PDLIM5: variants seen among roughly 807,000 people sequenced by gnomAD.
The protein encoded by PDLIM5 is PDZ and LIM domain 5.
PDLIM5 carries 34 observed loss-of-function variants against 64.2 expected under a neutral mutation model. That is an observed-to-expected ratio of 0.53 (90% CI 0.40 to 0.71). The LOEUF (loss-of-function observed/expected upper bound fraction) is 0.71. Among genes scored for constraint, PDLIM5 ranks in the 30% least tolerant of loss-of-function variants. The pLI is 0.00. For missense variants in PDLIM5, 683 were observed against 733.6 expected (o/e 0.93, Z 0.80); for synonymous variants, 253 against 269.1 (o/e 0.94, Z 0.59).
At chr4:94,547,280 C>T (rs540777737) in intron 3 of PDLIM5, among the ~76,000 whole-genome samples, 16 of 152,196 alleles carry the variant, frequency 1.1e-4, no homozygotes, top group Non-Finnish European at 1.9e-4. Context: ...CTAAAATTAA[C>T]GGGTCGACCT....
At chr4:94,604,239 A>G (rs1346402648) in intron 7 of PDLIM5, among the ~76,000 whole-genome samples, 5 of 152,238 alleles carry the variant, frequency 3.3e-5, no homozygotes, top group Admixed American at 2.6e-4. Context: ...GACACTAAGT[A>G]AAATGAGGAA....
chr4:94,484,820 A>G (rs1316968848), intron 2 of PDLIM5, among the ~76,000 whole-genome samples: 4 of 152,214 alleles, frequency 2.6e-5, no homozygotes, highest in Non-Finnish European at 5.9e-5. Flanking sequence ...AAATGCTATC[A>G]TAGAGAATAA....
intron 3 of PDLIM5, among the ~76,000 whole-genome samples, chr4:94,572,552 T>A (rs1560711904): frequency 1.3e-5 from 2 of 152,190 alleles, no homozygotes; most frequent in Non-Finnish European, 2.9e-5. Flanking sequence ...CCATGCTAAC[T>A]AAAGGCACAA....
At chr4:94,472,663 A>G (rs1200362982) in intron 2 of PDLIM5, among the ~76,000 whole-genome samples, 1 of 152,172 alleles carries the variant, frequency 6.6e-6, no homozygotes, top group Non-Finnish European at 1.5e-5. Context: ...GGTGGTGGCC[A>G]GCTAGACTAG....
intron 7 of PDLIM5, among the ~76,000 whole-genome samples, chr4:94,596,220 T>C (rs892690971): frequency 6.6e-6 from 1 of 152,150 alleles, no homozygotes. Flanking sequence ...ATGCTGGAAA[T>C]GCCTGTTGTT....
At chr4:94,622,633 CCTCCTTCCCTCCCTCT>C (rs1361297951) in intron 8 of PDLIM5, among the ~76,000 whole-genome samples, 7 of 151,150 alleles carry the variant, frequency 4.6e-5, no homozygotes, top group African/African-American at 1.7e-4. Context: ...TCTCTCCCTC[CCTCCTTCCCTCCCTCT>C]CTCCCTCCCT....
chr4:94,617,991 A>G lies in PDLIM5; in HGVS notation c.921-13A>G. 1.4e-6 allele frequency: 2 copies of G among 1,469,384 alleles called. No homozygotes were observed. The highest frequency in any genetic ancestry group is 1.4e-5 in the African/African-American group (1 of 69,746). The allele number at this position is 1,469,384 out of a possible 1,614,324, so 91.0% of individuals were successfully genotyped here. On this transcript the variant is annotated splice_polypyrimidine_tract_variant and intron_variant, in intron 7 of 12. Coordinates refer to ENST00000317968, the MANE Select transcript of PDLIM5 (RefSeq NM_006457.5). The stretch of plus-strand genomic sequence containing the variant: ...ACCACTTCACCAAAGATGTTTCTTT[A>G]TTTCCTTTACAGTAACTCTCAGGAG...
In PDLIM5 at chr4:94,593,942, G is replaced by T. The variant is rs1227222835; in HGVS notation, c.920+7498G>T. ...TACAGTAAAAGTTCTTTGAATGTGA[G>T]AATTTTAGTATGCCCCACCATGTTT... On this transcript the variant is annotated intron_variant, in intron 7 of 12. Coordinates refer to ENST00000317968, the MANE Select transcript of PDLIM5 (RefSeq NM_006457.5). Among the ~76,000 whole-genome samples, 3 of 152,176 alleles carry T rather than the reference G, an allele frequency of 2.0e-5. No homozygotes were observed. In the East Asian group the frequency reaches 5.8e-4, roughly 29 times the overall value.
chr4:94,600,576 T>C (rs1560732350), intron 7 of PDLIM5, among the ~76,000 whole-genome samples: 1 of 152,244 alleles, frequency 6.6e-6, no homozygotes, highest in African/African-American at 2.4e-5. Context: ...AAATTCTTTT[T>C]CTAATATTAG....
intron 8 of PDLIM5, among the ~76,000 whole-genome samples, chr4:94,640,045 C>G (rs957601569): frequency 1.3e-5 from 2 of 151,672 alleles, no homozygotes; most frequent in Non-Finnish European, 1.5e-5. Context: ...AAAAAAAATT[C>G]TATGCATACG....
intron 3 of PDLIM5, among the ~76,000 whole-genome samples, chr4:94,553,630 T>TGGTTATTG (rs1560697912): frequency 6.6e-6 from 1 of 152,174 alleles, no homozygotes. Context: ...AGAGCACTTG[T>TGGTTATTG]GGTTATTGTG....
At chr4:94,611,174 T>C (rs1738334810) in intron 7 of PDLIM5, 2 of 1,535,270 alleles carry the variant, frequency 1.3e-6, no homozygotes, top group Admixed American at 2.0e-5. Flanking sequence ...GGAAATCAAC[T>C]GGCTCTATCC....
chr4:94,618,647 GAC>G (rs1738978824), intron 8 of PDLIM5, among the ~76,000 whole-genome samples: 1 of 152,200 alleles, frequency 6.6e-6, no homozygotes, highest in Non-Finnish European at 1.5e-5. Flanking sequence ...GGGGAAGAAG[GAC>G]ACAGTACTAG....
At chr4:94,590,518 G>A (rs995154671) in intron 7 of PDLIM5, among the ~76,000 whole-genome samples, 1 of 152,214 alleles carries the variant, frequency 6.6e-6, no homozygotes, top group Admixed American at 6.5e-5. Flanking sequence ...GTATAAGCAA[G>A]ATGATCTGAG....
chr4:94,625,304 C>T (rs1489986720), intron 8 of PDLIM5, among the ~76,000 whole-genome samples: 1 of 152,132 alleles, frequency 6.6e-6, no homozygotes, highest in Non-Finnish European at 1.5e-5. Flanking sequence ...TCTCATGTCC[C>T]TGGTGTTGAC....
intron 7 of PDLIM5, among the ~76,000 whole-genome samples, chr4:94,607,816 G>C (rs762090413): frequency 6.6e-6 from 1 of 152,064 alleles, no homozygotes; most frequent in Non-Finnish European, 1.5e-5. Flanking sequence ...CCCTGTAAGC[G>C]TAATATTTTA....
At chr4:94,457,625 T>C (rs764622463) in intron 2 of PDLIM5, among the ~76,000 whole-genome samples, 8 of 152,230 alleles carry the variant, frequency 5.3e-5, no homozygotes, top group Non-Finnish European at 1.2e-4. Context: ...CACTTTGTTG[T>C]GTGGTAATAG....
chr4:94,528,108 C>T (rs1730537432), intron 3 of PDLIM5, among the ~76,000 whole-genome samples: 1 of 152,188 alleles, frequency 6.6e-6, no homozygotes, highest in Non-Finnish European at 1.5e-5. Context: ...AATGCCCTTT[C>T]TTCCATTTAG....
intron 8 of PDLIM5, 134 bp downstream of exon 8, chr4:94,618,325 A>T (rs1014565190): frequency 5.5e-5 from 28 of 510,112 alleles, no homozygotes; most frequent in Non-Finnish European, 8.5e-5. Flanking sequence ...GACTATCAGG[A>T]TTAAACTATA....
Sources: gnomAD v4.1 joint callset for allele counts (sites outside exome capture counted in the v4.1 genomes callset) on GRCh38, gnomAD v4.1.1 for gene constraint, MANE v1.5 for transcripts, NCBI Gene and HGNC (gene_info 2026-07-23, HGNC 2026-07-21) for gene names.